Variants in CPNE4 observed in about 807,000 individuals in gnomAD.
The protein encoded by CPNE4 is copine 4, also known as copine-4.
CPNE4 carries 25 observed loss-of-function variants against 67.9 expected under a neutral mutation model. The observed-to-expected ratio is 0.37, with a 90% CI of 0.27 to 0.51. The LOEUF is 0.51. Among genes scored for constraint, CPNE4 ranks in the 20% least tolerant of loss-of-function variants. The pLI, the probability that CPNE4 is intolerant of heterozygous loss-of-function variation, is 0.93. For missense variants in CPNE4, 464 were observed against 690.8 expected (o/e 0.67, Z 3.68); for synonymous variants, 242 against 244.9 (o/e 0.99, Z 0.11).
In CPNE4 at chr3:131,990,448, T is replaced by C. The variant is rs1256516336; in HGVS notation, c.-2+44119A>G. The stretch of plus-strand genomic sequence containing the variant: ...TTATGTGTAGAATAAATGTTGTTTT[T>C]GGTTCTTTTTCTTTTTTTTAAACAC... On this transcript the variant is annotated intron_variant, in intron 1 of 15. Transcript: ENST00000429747. Among the ~76,000 whole-genome samples the C allele has an allele frequency of 1.5e-5, 2 of 135,624 alleles. 1 individual carries two copies. Among genetic ancestry groups the C allele is most frequent in the East Asian group, 4.7e-4 (2 of 4,278 alleles). 89.0% of individuals were successfully genotyped at this position (135,624 alleles called of 152,430 possible).
At chr3:131,692,334 G>A (rs966123266) in intron 5 of CPNE4, among the ~76,000 whole-genome samples, 1 of 152,052 alleles carries the variant, frequency 6.6e-6, no homozygotes, top group South Asian at 2.1e-4. Flanking sequence ...TGAGCTTTGG[G>A]GATAATGTAG....
intron 2 of CPNE4, among the ~76,000 whole-genome samples, chr3:131,741,140 C>T (rs1374919054): frequency 6.6e-6 from 1 of 152,148 alleles, no homozygotes; most frequent in East Asian, 1.9e-4. Context: ...TACTGTCTAA[C>T]ATAATGTAAA....
chr3:131,723,402 G>A, intron 3 of CPNE4, 44 bp downstream of exon 3: 1 of 1,557,076 alleles, frequency 6.4e-7, no homozygotes, highest in Non-Finnish European at 8.8e-7. Flanking sequence ...AGGAAGAAAG[G>A]CCCTAGGATG....
At chr3:131,600,138 T>C (rs1939121862) in intron 7 of CPNE4, among the ~76,000 whole-genome samples, 1 of 152,064 alleles carries the variant, frequency 6.6e-6, no homozygotes, top group Non-Finnish European at 1.5e-5. Flanking sequence ...ATTCACACAC[T>C]AAGGTATCCA....
intron 2 of CPNE4, among the ~76,000 whole-genome samples, chr3:131,750,050 C>G (rs1351605480): frequency 6.6e-6 from 1 of 152,172 alleles, no homozygotes; most frequent in Non-Finnish European, 1.5e-5. Flanking sequence ...ACTCTTCCTA[C>G]AAAGCCACCA....
At chr3:131,951,901 C>G (rs970116391) in intron 1 of CPNE4, among the ~76,000 whole-genome samples, 5 of 152,048 alleles carry the variant, frequency 3.3e-5, no homozygotes, top group Non-Finnish European at 5.9e-5. Flanking sequence ...GTGGTGTGAT[C>G]TCGGCTCGCT....
chr3:131,700,057 T>A, intron 3 of CPNE4, 77 bp from the exon 4 acceptor site: 1 of 243,034 alleles, frequency 4.1e-6, no homozygotes, highest in Non-Finnish European at 6.6e-6. Flanking sequence ...TTTAAACCTT[T>A]TTTTTTTTTT....
In CPNE4 at chr3:131,952,287, C is replaced by T. The variant is rs1477815809; in HGVS notation, c.-1-46843G>A. 1.7e-4 allele frequency among the ~76,000 whole-genome samples: 26 copies of T among 151,390 alleles called. No homozygotes were observed. In the South Asian group the frequency reaches 1.9e-3, roughly 11 times the overall value. ...ATGGGAGGTGAAGAGCGTCTCTGCC[C>T]GGCTGCCCCATCTGAGAAGTGAGGA... On this transcript the variant is annotated intron_variant, in intron 1 of 15. Transcript: ENST00000429747.
At chr3:131,728,829 GA>G (rs1377193630) in intron 2 of CPNE4, among the ~76,000 whole-genome samples, 10 of 146,904 alleles carry the variant, frequency 6.8e-5, no homozygotes, top group Non-Finnish European at 1.2e-4. Flanking sequence ...AGAATGGCGT[GA>G]ACCCGGGAGG....
At chr3:132,033,730 T>G (rs545001985) in intron 1 of CPNE4, among the ~76,000 whole-genome samples, 11 of 152,304 alleles carry the variant, frequency 7.2e-5, no homozygotes, top group African/African-American at 2.6e-4. Flanking sequence ...AGGAGGAGCA[T>G]TTTTCATCAG....
chr3:131,801,556 G>A, intron 2 of CPNE4, among the ~76,000 whole-genome samples: 1 of 145,864 alleles, frequency 6.9e-6, no homozygotes, highest in Non-Finnish European at 1.5e-5. Context: ...AGAAACAATA[G>A]TAGAATCAAA....
At chr3:132,038,692 C>T (rs2074373322), upstream of CPNE4, among the ~76,000 whole-genome samples, 1 of 152,178 alleles carries the variant, frequency 6.6e-6, no homozygotes, top group South Asian at 2.1e-4. Context: ...TTTTTAACTA[C>T]ATAATATCTT....
intron 2 of CPNE4, among the ~76,000 whole-genome samples, chr3:131,812,032 T>G (rs2084549361): frequency 6.6e-6 from 1 of 152,056 alleles, no homozygotes; most frequent in Non-Finnish European, 1.5e-5. Flanking sequence ...GGCTTGGAAA[T>G]CAATAGTCCT....
At chr3:131,853,553 GA>G (rs917217185) in intron 2 of CPNE4, among the ~76,000 whole-genome samples, 5 of 151,362 alleles carry the variant, frequency 3.3e-5, no homozygotes, top group South Asian at 2.1e-4. Flanking sequence ...AAACATAAAA[GA>G]AAAAAATAAT....
chr3:131,569,735 C>A (rs1399561733), intron 10 of CPNE4, among the ~76,000 whole-genome samples: 1 of 150,762 alleles, frequency 6.6e-6, no homozygotes, highest in Non-Finnish European at 1.5e-5. Context: ...CCTGAGAGAA[C>A]CTTTAATGAG....
At position 131,763,825 on chromosome 3, in the gene CPNE4, T is replaced by C. The variant is rs144821842; in HGVS notation, c.181-40200A>G. On this transcript the variant is annotated intron_variant, in intron 2 of 15. Coordinates refer to ENST00000429747, the MANE Select transcript of CPNE4 (RefSeq NM_130808.3). ...ACTTAGAAATTTATTTTAAGAAATG[T>C]CTAAAGCAGAATTTTCTGTAATATA... 2.3e-4 allele frequency among the ~76,000 whole-genome samples: 35 copies of C among 152,260 alleles called. No homozygotes were observed. The East Asian group carries it at 6.0e-3, about 26-fold the overall frequency.
At chr3:131,949,091 T>C (rs1005211476) in intron 1 of CPNE4, among the ~76,000 whole-genome samples, 6 of 152,184 alleles carry the variant, frequency 3.9e-5, no homozygotes, top group African/African-American at 1.2e-4. Context: ...ATTGTCATGA[T>C]TATATGTAAA....
chr3:132,038,088 A>T (rs2074367513), upstream of CPNE4: 1 of 152,760 alleles, frequency 6.5e-6, no homozygotes, highest in Non-Finnish European at 1.5e-5. Flanking sequence ...TCATATAAGA[A>T]CTTTGAATCT....
At chr3:131,565,052 A>G (rs1401866330) in intron 10 of CPNE4, among the ~76,000 whole-genome samples, 1 of 152,034 alleles carries the variant, frequency 6.6e-6, no homozygotes, top group African/African-American at 2.4e-5. Context: ...TCTGACCCCC[A>G]GTATCATAAT....
Sources: gnomAD v4.1 joint callset for allele counts (sites outside exome capture counted in the v4.1 genomes callset) on GRCh38, gnomAD v4.1.1 for gene constraint, MANE v1.5 for transcripts, NCBI Gene and HGNC (gene_info 2026-07-23, HGNC 2026-07-21) for gene names.